The following IRS1 variants were observed in gnomAD, a reference collection of about 807,000 sequenced individuals.
IRS1 encodes the protein insulin receptor substrate 1.
In IRS1, 34 loss-of-function variants were observed where a neutral mutation model predicts 65.6. That is an observed-to-expected ratio of 0.52 (90% confidence interval 0.39 to 0.69). The LOEUF is 0.69. Ranked by LOEUF, IRS1 falls within the 30% of genes least tolerant of loss-of-function variation. The probability of loss-of-function intolerance (pLI) is 0.00; values close to 1 mark genes in which losing one functional copy is unlikely to be tolerated. For missense variants in IRS1, 1,641 were observed against 1,720.2 expected (o/e 0.95, Z 0.81); for synonymous variants, 699 against 683.5 (o/e 1.02, Z -0.35).
rs1326325401 is a variant in IRS1 at position 226,795,794 on chromosome 2, A to G, written c.2945T>C (p.Val982Ala). The change falls in exon 1 of 2, where the codon GTG becomes GCG. Residue 982 changes from valine (V) to alanine (A), a missense_variant. Val to Ala is a moderately conservative substitution (Grantham distance 64). Around this residue, in one of 3 missense-constraint regions of IRS1, gnomAD observed 1,324 missense variants for 1,361.0 expected, o/e 0.97. Coordinates refer to ENST00000305123, the MANE Select transcript of IRS1 (RefSeq NM_005544.3). The stretch of plus-strand genomic sequence containing the variant: ...CATGTAGTCACCCCGGCTGCTGGGC[A>G]CTGCCCGGGTAGGCCTGCAAATGCT... ...AASICRPTRAVPSSRGDYMTM... is the reference protein window; with the variant it reads ...AASICRPTRAAPSSRGDYMTM... 25 of 1,613,084 alleles carry G rather than the reference A, an allele frequency of 1.5e-5. No individual in the cohort carries two copies. The highest frequency in any genetic ancestry group is 2.1e-5 in the Non-Finnish European group (25 of 1,179,898).
At chr2:226,786,223 T>C (rs889024546) in intron 1 of IRS1, among the ~76,000 whole-genome samples, 3 of 151,822 alleles carry the variant, frequency 2.0e-5, no homozygotes, top group Non-Finnish European at 4.4e-5. Context: ...TGTGTCTTTA[T>C]AGCAGCATGA....
At position 226,796,091 on chromosome 2, in the gene IRS1, GGCTGCTGCT is replaced by G. The variant is rs747646240; in HGVS notation, c.2639_2647del (p.Gln880_Gln882del). On this transcript the variant is annotated inframe_deletion, in exon 1 of 2. Coordinates refer to ENST00000305123, the MANE Select transcript of IRS1 (RefSeq NM_005544.3). ...CTTGGGCTCTGGAGGGTGCAGCAAG[GGCTGCTGCT>G]GCTGCTGCTGCTCTCGGGCCCGAGG... 1.9e-6 allele frequency: 3 copies of G among 1,612,258 alleles called. No homozygotes were observed. Among genetic ancestry groups the G allele is most frequent in the African/African-American group, 1.3e-5 (1 of 75,040 alleles).
Position 226,794,924 on chromosome 2 carries a change from G to A in IRS1, c.*21+65C>T. 1.4e-6 allele frequency: 2 copies of A among 1,404,010 alleles called. No homozygotes were observed. Among genetic ancestry groups the A allele is most frequent in the Non-Finnish European group, 1.0e-6 (1 of 994,490 alleles). The allele number at this position is 1,404,010 out of a possible 1,614,324, so 87.0% of individuals were successfully genotyped here. A position where few individuals can be genotyped will look rare whatever the true frequency, so the allele number is the denominator to read the frequency against. On this transcript the variant is annotated intron_variant, in intron 1 of 1. Transcript: ENST00000305123. The surrounding 1 kb of genome is among the most constrained non-coding windows in gnomAD (Gnocchi z 4.1). ...AAGAACAGGAAGGGGCAGAGGCGAA[G>A]AACAGAATTCAAGGACAAGGTTAAA... is the stretch of plus-strand genomic sequence containing the variant.
intron 1 of IRS1, among the ~76,000 whole-genome samples, chr2:226,774,097 G>C (rs954095461): frequency 7.9e-5 from 12 of 152,022 alleles, no homozygotes; most frequent in African/African-American, 2.9e-4. Context: ...ATTCCCACTG[G>C]ACGTCCGGAA....
chr2:226,745,292 T>G (rs1938516994), intron 1 of IRS1, among the ~76,000 whole-genome samples: 1 of 152,220 alleles, frequency 6.6e-6, no homozygotes, highest in African/African-American at 2.4e-5. Context: ...AAATGTGTGT[T>G]TCCCTTGAGT....
At chr2:226,791,994 C>G (rs1459012962) in intron 1 of IRS1, 1 of 152,058 alleles carries the variant, frequency 6.6e-6, no homozygotes, top group Non-Finnish European at 1.5e-5. Context: ...GTGCCAGGGC[C>G]GAGAGGGTTT....
At chr2:226,746,930 C>T (rs912187002) in intron 1 of IRS1, among the ~76,000 whole-genome samples, 12 of 151,812 alleles carry the variant, frequency 7.9e-5, no homozygotes, top group Admixed American at 7.9e-4. Context: ...GCTGGGACTA[C>T]AGGCACGCAC....
At chr2:226,774,258 T>A (rs1939225097) in intron 1 of IRS1, among the ~76,000 whole-genome samples, 1 of 152,196 alleles carries the variant, frequency 6.6e-6, no homozygotes, top group Admixed American at 6.5e-5. Flanking sequence ...GGTAGATAGG[T>A]TCAAATAAAT....
At chr2:226,768,829 G>T (rs1939107284) in intron 1 of IRS1, among the ~76,000 whole-genome samples, 1 of 152,120 alleles carries the variant, frequency 6.6e-6, no homozygotes, top group Admixed American at 6.5e-5. Flanking sequence ...TAGAAACAGG[G>T]TTTCACCATG....
At chr2:226,743,048 A>C (rs1383921430) in intron 1 of IRS1, among the ~76,000 whole-genome samples, 1 of 152,206 alleles carries the variant, frequency 6.6e-6, no homozygotes, top group Non-Finnish European at 1.5e-5. Context: ...AATGAGGTCA[A>C]GACCATAACA....
In IRS1 at chr2:226,797,911, G is replaced by A. The variant is rs750624110; in HGVS notation, c.828C>T (p.Cys276=). 2 of 1,613,864 alleles carry A rather than the reference G, an allele frequency of 1.2e-6. No homozygotes were observed. The highest frequency in any genetic ancestry group is 1.7e-6 in the Non-Finnish European group (2 of 1,179,998). The change falls in exon 1 of 2, where the codon TGC becomes TGT. Residue 276 remains cysteine (C), a synonymous_variant. Coordinates refer to ENST00000305123, the MANE Select transcript of IRS1 (RefSeq NM_005544.3). The surrounding 1 kb of genome is among the most constrained non-coding windows in gnomAD (Gnocchi z 8.1). ...PRSKSQSSSN[C]SNPISVPLRR... is the part of the protein sequence containing the mutation. ...GCAGGGGGACGCTGATGGGGTTAGA[G>A]CAGTTGGACGAGGACTGGCTCTTGC...
At chr2:226,758,362 G>A (rs1574647190) in intron 1 of IRS1, among the ~76,000 whole-genome samples, 2 of 152,118 alleles carry the variant, frequency 1.3e-5, no homozygotes, top group South Asian at 2.1e-4. Context: ...GACCAAACAC[G>A]TGATGAGTAA....
chr2:226,769,153 C>T (rs1217959796), intron 1 of IRS1, among the ~76,000 whole-genome samples: 1 of 152,214 alleles, frequency 6.6e-6, no homozygotes, highest in Admixed American at 6.5e-5. Flanking sequence ...CAACTCAATA[C>T]TCCCACTATC....
intron 1 of IRS1, among the ~76,000 whole-genome samples, chr2:226,791,294 C>G (rs1939590369): frequency 6.6e-6 from 1 of 152,074 alleles, no homozygotes; most frequent in African/African-American, 2.4e-5. Flanking sequence ...CAGCCACGTG[C>G]GGGACTCCCT....
intron 1 of IRS1, among the ~76,000 whole-genome samples, chr2:226,741,963 C>T (rs1391498889): frequency 1.3e-5 from 2 of 152,078 alleles, no homozygotes; most frequent in East Asian, 3.9e-4. Flanking sequence ...GACCACTGAC[C>T]TATGGATAGA....
At position 226,799,204 on chromosome 2, in the gene IRS1, T is replaced by C; in HGVS notation, c.-466A>G. 4.5e-6 allele frequency: 5 copies of C among 1,102,210 alleles called. No homozygotes were observed. The highest frequency in any genetic ancestry group is 4.5e-6 in the Non-Finnish European group (4 of 890,460). The allele number at this position is 1,102,210 out of a possible 1,614,324, so 68.3% of individuals were successfully genotyped here. A position where few individuals can be genotyped will look rare whatever the true frequency, so the allele number is the denominator to read the frequency against. On this transcript the variant is annotated 5_prime_UTR_variant, in exon 1 of 2. Coordinates refer to ENST00000305123, the MANE Select transcript of IRS1 (RefSeq NM_005544.3). This position sits in a 1 kb window ranked among gnomAD's most constrained non-coding sequence, Gnocchi z 6.1. Reference sequence around the variant, plus strand: ...TGGAAGCAGCGATTCCCGAGGCAAATTAAATATCCTTGGGCAGGGGGAGGC... The same window carrying C: ...TGGAAGCAGCGATTCCCGAGGCAAACTAAATATCCTTGGGCAGGGGGAGGC...
chr2:226,765,218 T>C (rs559609615), intron 1 of IRS1, among the ~76,000 whole-genome samples: 7 of 152,326 alleles, frequency 4.6e-5, no homozygotes, highest in African/African-American at 1.7e-4. Context: ...GCTATAGGCA[T>C]GTGCCACTAT....
chr2:226,740,479 G>A (rs1463310055), intron 1 of IRS1, among the ~76,000 whole-genome samples: 1 of 152,098 alleles, frequency 6.6e-6, no homozygotes, highest in Non-Finnish European at 1.5e-5. Flanking sequence ...TATAATAGCT[G>A]AAAAACAAAT....
At chr2:226,751,500 G>C (rs1357552300) in intron 1 of IRS1, among the ~76,000 whole-genome samples, 1 of 151,966 alleles carries the variant, frequency 6.6e-6, no homozygotes, top group Non-Finnish European at 1.5e-5. Flanking sequence ...AGCCAGGATG[G>C]TCTCGATCTC....
Sources: allele counts gnomAD v4.1 joint callset (sites outside exome capture counted in the v4.1 genomes callset), GRCh38; gene constraint gnomAD v4.1.1; regional missense constraint gnomAD v4.1.1; non-coding constraint Gnocchi (gnomAD v3.1); transcripts MANE v1.5; gene names NCBI Gene and HGNC (gene_info 2026-07-23, HGNC 2026-07-21).